CNTN5: variants seen among roughly 807,000 people sequenced by gnomAD.
CNTN5 encodes the protein contactin-5.
Under a neutral mutation model 129.1 loss-of-function variants are expected in CNTN5, and 77 were observed. That is an observed-to-expected ratio of 0.60 (90% confidence interval 0.50 to 0.72). The LOEUF is 0.72. CNTN5 is among the 30% of genes least tolerant of loss of function. CNTN5 has a pLI of 0.00. For synonymous variants in CNTN5, 509 were observed against 465.6 expected (o/e 1.09, Z -1.20); for missense variants, 1,478 against 1,328.8 (o/e 1.11, Z -1.75).
chr11:100,280,837 T>C (rs1488382700), intron 18 of CNTN5, among the ~76,000 whole-genome samples: 2 of 152,140 alleles, frequency 1.3e-5, no homozygotes, highest in African/African-American at 4.8e-5. Flanking sequence ...TTTTTGTGTA[T>C]CCCTTGTAAG....
chr11:100,203,701 AC>A (rs1341470013), intron 15 of CNTN5, among the ~76,000 whole-genome samples: 13 of 150,584 alleles, frequency 8.6e-5, no homozygotes, highest in Non-Finnish European at 4.4e-5. Flanking sequence ...TCATCTCACC[AC>A]CTTTTACACT....
intron 1 of CNTN5, among the ~76,000 whole-genome samples, chr11:99,249,755 C>T (rs994497022): frequency 1.3e-5 from 2 of 151,814 alleles, no homozygotes; most frequent in Non-Finnish European, 2.9e-5. Flanking sequence ...AGAATTTATA[C>T]AGTCTTCTAG....
At chr11:100,079,179 A>T (rs530774517) in intron 13 of CNTN5, among the ~76,000 whole-genome samples, 5 of 152,286 alleles carry the variant, frequency 3.3e-5, no homozygotes, top group Admixed American at 3.3e-4. Flanking sequence ...TATGGGGATT[A>T]TAATTCAAGA....
intron 13 of CNTN5, among the ~76,000 whole-genome samples, chr11:100,189,081 G>A (rs1483321780): frequency 1.3e-5 from 2 of 152,032 alleles, no homozygotes. Context: ...TACTAGAGGA[G>A]AGAGGGAGAA....
chr11:99,410,977 A>C (rs754783916), intron 2 of CNTN5, among the ~76,000 whole-genome samples: 1 of 152,204 alleles, frequency 6.6e-6, no homozygotes, highest in Non-Finnish European at 1.5e-5. Context: ...TCCCAAATTT[A>C]TTTGCGTATA....
chr11:99,162,042 C>T (rs796201105), intron 1 of CNTN5, among the ~76,000 whole-genome samples: 3 of 152,076 alleles, frequency 2.0e-5, no homozygotes, highest in African/African-American at 7.2e-5. Flanking sequence ...GTATAGCAGG[C>T]AGTGTGTATT....
chr11:99,172,934 A>G (rs1565376327), intron 1 of CNTN5, among the ~76,000 whole-genome samples: 1 of 152,230 alleles, frequency 6.6e-6, no homozygotes, highest in African/African-American at 2.4e-5. Flanking sequence ...AGATTGGGAA[A>G]TTTACAAAAG....
At chr11:100,249,943 G>A (rs959666517) in intron 16 of CNTN5, among the ~76,000 whole-genome samples, 4 of 152,056 alleles carry the variant, frequency 2.6e-5, no homozygotes, top group African/African-American at 9.7e-5. Flanking sequence ...TATTATAACA[G>A]TAAATCTTGT....
intron 2 of CNTN5, among the ~76,000 whole-genome samples, chr11:99,502,238 C>T (rs982109125): frequency 3.9e-5 from 6 of 152,110 alleles, no homozygotes; most frequent in African/African-American, 1.4e-4. Flanking sequence ...TTCATTTTAC[C>T]TCATTTGTAT....
intron 1 of CNTN5, among the ~76,000 whole-genome samples, chr11:99,090,763 C>CT (rs1866210786): frequency 6.6e-6 from 1 of 151,020 alleles, no homozygotes; most frequent in Admixed American, 6.6e-5. Flanking sequence ...TGGCTCACGC[C>CT]TGTAATCCCA....
intron 8 of CNTN5, among the ~76,000 whole-genome samples, chr11:99,990,451 T>TAC (rs200252748): frequency 1.9e-3 from 189 of 99,536 alleles, no homozygotes; most frequent in African/African-American, 2.9e-3. Context: ...AGAATATATA[T>TAC]ATATACACAC....
intron 8 of CNTN5, among the ~76,000 whole-genome samples, chr11:99,962,081 C>T (rs1188992898): frequency 6.6e-6 from 1 of 151,836 alleles, no homozygotes; most frequent in South Asian, 2.1e-4. Context: ...AAAATTCATA[C>T]TAAGATAATA....
At chr11:99,956,086 C>T (rs1157251851) in intron 7 of CNTN5, among the ~76,000 whole-genome samples, 2 of 151,602 alleles carry the variant, frequency 1.3e-5, no homozygotes, top group African/African-American at 4.9e-5. Context: ...GGGATGATAA[C>T]AGAAATGTTA....
rs201702697 is a variant in CNTN5 at position 100,002,186 on chromosome 11, A to G, written c.980+50A>G. The G allele has an allele frequency of 2.0e-5, 24 of 1,199,016 alleles. No individual in the cohort carries two copies. The African/African-American group carries it at 3.7e-4, about 18-fold the overall frequency. The allele number at this position is 1,199,016 out of a possible 1,614,324, so 74.3% of individuals were successfully genotyped here. A position where few individuals can be genotyped will look rare whatever the true frequency, so the allele number is the denominator to read the frequency against. ...AAACACAATTTTTTATTAAAATGTG[A>G]CATATCTTATTTTTGGATCACTTAT... is the stretch of plus-strand genomic sequence containing the variant. On this transcript the variant is annotated intron_variant, in intron 9 of 24. Coordinates refer to ENST00000524871, the MANE Select transcript of CNTN5 (RefSeq NM_014361.4).
chr11:99,751,112 C>T (rs935189312), intron 3 of CNTN5, among the ~76,000 whole-genome samples: 10 of 152,022 alleles, frequency 6.6e-5, no homozygotes, highest in Admixed American at 3.3e-4. Flanking sequence ...TGAGGCAGGT[C>T]GATTGTCTAA....
chr11:99,569,695 G>A (rs1949117605), intron 3 of CNTN5, among the ~76,000 whole-genome samples: 1 of 152,050 alleles, frequency 6.6e-6, no homozygotes. Flanking sequence ...GAGGCATGAT[G>A]GGATAACTAT....
chr11:99,926,476 G>T (rs1424070661), intron 7 of CNTN5, among the ~76,000 whole-genome samples: 3 of 151,882 alleles, frequency 2.0e-5, no homozygotes, highest in African/African-American at 7.3e-5. Flanking sequence ...TTTCACAGAG[G>T]TAAAAACAAA....
At chr11:99,337,969 G>T (rs1866309185) in intron 2 of CNTN5, among the ~76,000 whole-genome samples, 1 of 151,814 alleles carries the variant, frequency 6.6e-6, no homozygotes, top group Non-Finnish European at 1.5e-5. Context: ...TCAACTATAG[G>T]ATATTTCAGA....
At chr11:99,758,745 G>A (rs545862219) in intron 3 of CNTN5, among the ~76,000 whole-genome samples, 5 of 152,006 alleles carry the variant, frequency 3.3e-5, no homozygotes, top group Non-Finnish European at 7.4e-5. Flanking sequence ...CAGAAGACAG[G>A]ATAAGGAATT....
Sources: gnomAD v4.1 joint callset for allele counts (sites outside exome capture counted in the v4.1 genomes callset) on GRCh38, gnomAD v4.1.1 for gene constraint, MANE v1.5 for transcripts, NCBI Gene and HGNC (gene_info 2026-07-23, HGNC 2026-07-21) for gene names.